ADGRE3: variants seen among roughly 807,000 people sequenced by gnomAD.
ADGRE3 encodes EGF-like module receptor 3.
Under a neutral mutation model 80.1 loss-of-function variants are expected in ADGRE3, and 88 were observed. That is an observed-to-expected ratio of 1.10 (90% CI 0.93 to 1.31). The LOEUF is 1.31. ADGRE3 is among the 40% of genes most tolerant of loss of function. The probability of loss-of-function intolerance (pLI) is 0.00; values close to 1 mark genes in which losing one functional copy is unlikely to be tolerated. For synonymous variants in ADGRE3, 281 were observed against 294.8 expected (o/e 0.95, Z 0.48); for missense variants, 715 against 776.5 (o/e 0.92, Z 0.94).
chr19:14,663,856 T>A (rs1972021302), intron 2 of ADGRE3, among the ~76,000 whole-genome samples: 1 of 151,890 alleles, frequency 6.6e-6, no homozygotes, highest in Non-Finnish European at 1.5e-5. Flanking sequence ...ATATATATAT[T>A]TGTTACATAG....
At chr19:14,636,105 T>C (rs1599616548) in intron 11 of ADGRE3, among the ~76,000 whole-genome samples, 1 of 40,588 alleles carries the variant, frequency 2.5e-5, no homozygotes, top group African/African-American at 8.5e-5. Context: ...TTTCTTTCTT[T>C]CTTTCTTTCT....
rs1399365857 is a variant in ADGRE3 at position 14,644,204 on chromosome 19, C to T, written c.954G>A (p.Arg318=). The change falls in exon 9 of 16, where the codon AGG becomes AGA. Residue 318 remains arginine (R), a synonymous_variant. Transcript: ENST00000253673. ...KSTGQGSQWS[R]DGCFLIHVNK... is the part of the protein sequence containing the mutation. The stretch of plus-strand genomic sequence containing the variant: ...TCACGTGTATCAGGAAGCAGCCATC[C>T]CTGGACCACTGGCTGCCCTGCCCTG... The T allele has an allele frequency of 7.5e-6, 12 of 1,608,026 alleles. No individual in the cohort carries two copies. The highest frequency in any genetic ancestry group is 7.6e-6 in the Non-Finnish European group (9 of 1,177,042).
At chr19:14,623,463 C>A (rs1427750829) in intron 15 of ADGRE3, among the ~76,000 whole-genome samples, 2 of 152,134 alleles carry the variant, frequency 1.3e-5, no homozygotes, top group Non-Finnish European at 2.9e-5. Flanking sequence ...TCACATAGTG[C>A]AGAAAGCTCA....
intron 8 of ADGRE3, among the ~76,000 whole-genome samples, 160 bp from the exon 9 acceptor site, chr19:14,644,435 C>T (rs1971345677): frequency 2.0e-5 from 3 of 152,088 alleles, no homozygotes; most frequent in South Asian, 4.1e-4. Flanking sequence ...ATTCTCCTGC[C>T]TCAGCCTCCC....
intron 4 of ADGRE3, among the ~76,000 whole-genome samples, chr19:14,660,141 T>C (rs1426721740): frequency 6.6e-6 from 1 of 152,154 alleles, no homozygotes; most frequent in Non-Finnish European, 1.5e-5. Flanking sequence ...GCTGCCAGCC[T>C]TGGTAATAAC....
intron 5 of ADGRE3, among the ~76,000 whole-genome samples, chr19:14,658,259 C>T (rs559327851): frequency 6.0e-5 from 9 of 150,416 alleles, no homozygotes; most frequent in Non-Finnish European, 1.2e-4. Flanking sequence ...GTATACATAC[C>T]ACAATTATGC....
At chr19:14,609,746 G>C in the ADGRE3 span, among the ~76,000 whole-genome samples, 1 of 152,024 alleles carries the variant, frequency 6.6e-6, no homozygotes, top group East Asian at 1.9e-4. Context: ...GCTGAGGCAG[G>C]AGAATTGCTT....
At chr19:14,608,205 C>T in the ADGRE3 span, among the ~76,000 whole-genome samples, 1,302 of 152,282 alleles carry the variant, frequency 8.5e-3, 9 homozygotes, top group Non-Finnish European at 0.013. Flanking sequence ...AATTCCTGTC[C>T]TGTTTGGTAA....
intron 7 of ADGRE3, among the ~76,000 whole-genome samples, chr19:14,649,568 C>G: frequency 6.6e-6 from 1 of 150,404 alleles, no homozygotes; most frequent in East Asian, 2.0e-4. Flanking sequence ...CTTTCCATCT[C>G]TCTCCATCTC....
intron 5 of ADGRE3, among the ~76,000 whole-genome samples, chr19:14,658,249 G>A (rs1202320821): frequency 1.3e-5 from 2 of 151,178 alleles, no homozygotes; most frequent in Non-Finnish European, 2.9e-5. Context: ...ATAGATATAT[G>A]TATACATACC....
chr19:14,671,995 C>T (rs1972270478), intron 1 of ADGRE3, among the ~76,000 whole-genome samples: 1 of 152,132 alleles, frequency 6.6e-6, no homozygotes, highest in South Asian at 2.1e-4. Flanking sequence ...AGTGATCCTC[C>T]TTCTGTGGCC....
intron 13 of ADGRE3, among the ~76,000 whole-genome samples, chr19:14,630,823 A>G (rs1555754880): frequency 6.6e-6 from 1 of 152,252 alleles, no homozygotes; most frequent in Non-Finnish European, 1.5e-5. Flanking sequence ...AGTTAGTACC[A>G]GACATGCATA....
At chr19:14,629,562 AAT>A (rs776236425) in intron 14 of ADGRE3, among the ~76,000 whole-genome samples, 7 of 152,072 alleles carry the variant, frequency 4.6e-5, no homozygotes, top group Non-Finnish European at 1.0e-4. Flanking sequence ...TTAGGAGAAG[AAT>A]ATTTGCTGGG....
chr19:14,649,465 TC>T (rs1421880437), intron 7 of ADGRE3, among the ~76,000 whole-genome samples: 1 of 145,760 alleles, frequency 6.9e-6, no homozygotes, highest in Non-Finnish European at 1.5e-5. Flanking sequence ...TCCACCTTTT[TC>T]CCCATCTCTC....
At chr19:14,607,433 G>A in the ADGRE3 span, among the ~76,000 whole-genome samples, 1 of 151,800 alleles carries the variant, frequency 6.6e-6, no homozygotes, top group South Asian at 2.1e-4. Flanking sequence ...TTGATCTCCT[G>A]ACCTCGTGAT....
chr19:14,636,167 CTT>C (rs1491123272), intron 11 of ADGRE3, among the ~76,000 whole-genome samples: 1 of 29,654 alleles, frequency 3.4e-5, no homozygotes, highest in African/African-American at 1.3e-4. Context: ...TCCTCCTTTC[CTT>C]TCCTTTCCTT....
downstream of ADGRE3, among the ~76,000 whole-genome samples, chr19:14,618,862 A>AAAAAAAAAAT (rs2075099595): frequency 6.6e-6 from 1 of 150,792 alleles, no homozygotes; most frequent in Non-Finnish European, 1.5e-5. Flanking sequence ...AAAAAAAAAA[A>AAAAAAAAAAT]AAAAAAAAAT....
In ADGRE3 at chr19:14,621,484, G is replaced by A. The variant is rs976078390; in HGVS notation, c.1921-2013C>T. On this transcript the variant is annotated intron_variant, in intron 15 of 15. Transcript: ENST00000253673. ...AAAAAAAAAAGTGAAAAGAAAAGAAGAGACAGGTTCTCACTATGTTGCCCA... is the reference window on the plus strand; with the variant it reads ...AAAAAAAAAAGTGAAAAGAAAAGAAAAGACAGGTTCTCACTATGTTGCCCA... 3.6e-5 allele frequency: 18 copies of A among 494,102 alleles called. 5 individuals carry two copies. The highest frequency in any genetic ancestry group is 6.9e-5 in the Non-Finnish European group (18 of 261,836). 30.6% of individuals were successfully genotyped at this position (494,102 alleles called of 1,614,324 possible).
chr19:14,620,864 CA>C (rs1349957376), intron 15 of ADGRE3, among the ~76,000 whole-genome samples: 5 of 151,586 alleles, frequency 3.3e-5, no homozygotes, highest in Non-Finnish European at 7.4e-5. Context: ...TCAATTTCCA[CA>C]ATGTTAAACG....
Sources: gnomAD v4.1 joint callset for allele counts (sites outside exome capture counted in the v4.1 genomes callset) on GRCh38, gnomAD v4.1.1 for gene constraint, MANE v1.5 for transcripts, NCBI Gene and HGNC (gene_info 2026-07-23, HGNC 2026-07-21) for gene names.